The following SLC39A12 variants were observed in gnomAD, a reference collection of about 807,000 sequenced individuals.
The protein encoded by SLC39A12 is zinc transporter ZIP12.
SLC39A12 carries 63 observed loss-of-function variants against 71.1 expected under a neutral mutation model. That is an observed-to-expected ratio of 0.89 (90% CI 0.72 to 1.09). The LOEUF (loss-of-function observed/expected upper bound fraction) is 1.09. Among genes scored for constraint, SLC39A12 ranks in the 50% least tolerant of loss-of-function variants. The pLI, the probability that SLC39A12 is intolerant of heterozygous loss-of-function variation, is 0.00. For missense variants in SLC39A12, 892 were observed against 812.6 expected (o/e 1.10, Z -1.19); for synonymous variants, 351 against 301.3 (o/e 1.16, Z -1.71).
intron 12 of SLC39A12, among the ~76,000 whole-genome samples, chr10:18,041,663 GTGTATATATATGTATATACATA>G (rs1837239033): frequency 2.3e-5 from 2 of 88,302 alleles, no homozygotes; most frequent in Admixed American, 2.2e-4. Context: ...ATGTATATAT[GTGTATATATATGTATATACATA>G]TGTATATATG....
At position 17,961,860 on chromosome 10, in the gene SLC39A12, C is replaced by G; in HGVS notation, c.541C>G (p.Gln181Glu). 6.2e-7 allele frequency: 1 copy of G among 1,610,336 alleles called. No individual in the cohort carries two copies. The highest frequency in any genetic ancestry group is 8.5e-7 in the Non-Finnish European group (1 of 1,178,522). Residue 181 changes from glutamine (Q) to glutamate (E), a missense_variant and splice_region_variant, in exon 3 of 13, where the codon CAG becomes GAG. Physicochemically the swap from Gln to Glu is conservative, Grantham distance 29. Coordinates refer to ENST00000377369, the MANE Select transcript of SLC39A12 (RefSeq NM_001145195.2). ...GCAGTACTTTGACACTTCTCAAAGC[C>G]AGGTAAGAAGGCAAAATTGCTAACT... Reference protein sequence around the residue: ...TRQYFDTSQSQCMETKTLQKK... With the variant: ...TRQYFDTSQSECMETKTLQKK...
chr10:18,033,022 CT>C (rs1329357620), intron 12 of SLC39A12, among the ~76,000 whole-genome samples: 8 of 151,576 alleles, frequency 5.3e-5, no homozygotes, highest in African/African-American at 1.9e-4. Flanking sequence ...GGTGGATAAG[CT>C]TTTGGATGTG....
chr10:17,994,293 T>A (rs1166907170), intron 9 of SLC39A12, among the ~76,000 whole-genome samples: 2 of 152,302 alleles, frequency 1.3e-5, no homozygotes, highest in Admixed American at 1.3e-4. Context: ...TCCAGCTCAC[T>A]AATATACGCA....
In SLC39A12 at chr10:17,968,462, T is replaced by G. The variant is rs145670347; in HGVS notation, c.751+2772T>G. 3.0e-3 allele frequency among the ~76,000 whole-genome samples: 457 copies of G among 152,320 alleles called. 5 individuals are homozygous for G. The highest frequency in any genetic ancestry group is 0.01 in the African/African-American group (430 of 41,576). ...AAGTGAGCTTAATCAAAATGGGAACTTTACCCAAGTGGTAAATTTGGTCAT... is the reference window on the plus strand; with the variant it reads ...AAGTGAGCTTAATCAAAATGGGAACGTTACCCAAGTGGTAAATTTGGTCAT... On this transcript the variant is annotated intron_variant, in intron 4 of 12. Transcript: ENST00000377369.
At chr10:17,965,162 G>C (rs973100347) in intron 3 of SLC39A12, among the ~76,000 whole-genome samples, 2 of 151,860 alleles carry the variant, frequency 1.3e-5, no homozygotes, top group Non-Finnish European at 2.9e-5. Flanking sequence ...AGTCAAAATC[G>C]TGCCACTTTA....
At chr10:18,015,663 CAG>C (rs1171331106) in intron 12 of SLC39A12, among the ~76,000 whole-genome samples, 5 of 151,730 alleles carry the variant, frequency 3.3e-5, no homozygotes, top group Non-Finnish European at 7.4e-5. Flanking sequence ...TTTAGAGTGA[CAG>C]AACTATGTGG....
intron 12 of SLC39A12, among the ~76,000 whole-genome samples, chr10:18,040,737 C>T (rs1589264120): frequency 6.7e-6 from 1 of 150,302 alleles, no homozygotes; most frequent in East Asian, 1.9e-4. Flanking sequence ...CCACTGTACT[C>T]CAGCCTAGGC....
At chr10:17,959,475 C>A (rs1409976649) in intron 2 of SLC39A12, among the ~76,000 whole-genome samples, 4 of 152,134 alleles carry the variant, frequency 2.6e-5, no homozygotes. Context: ...AGATGTTACA[C>A]AGTGGGTTGT....
chr10:17,978,149 T>C (rs1438885650), intron 5 of SLC39A12, 75 bp downstream of exon 5: 5 of 1,283,694 alleles, frequency 3.9e-6, no homozygotes, highest in Non-Finnish European at 5.3e-6. Flanking sequence ...TTTATTAGAG[T>C]TGTAGAAAAC....
intron 5 of SLC39A12, among the ~76,000 whole-genome samples, chr10:17,980,516 A>G (rs1352868045): frequency 6.6e-6 from 1 of 152,152 alleles, no homozygotes; most frequent in African/African-American, 2.4e-5. Context: ...CACCTACTAA[A>G]ACTTTTAAAT....
intron 2 of SLC39A12, among the ~76,000 whole-genome samples, chr10:17,956,815 G>T (rs1425906350): frequency 1.3e-5 from 2 of 152,150 alleles, no homozygotes; most frequent in Non-Finnish European, 2.9e-5. Context: ...ACCCAGCTTT[G>T]TCTTATTATC....
At chr10:18,011,084 C>T (rs1372155741) in intron 12 of SLC39A12, among the ~76,000 whole-genome samples, 2 of 151,574 alleles carry the variant, frequency 1.3e-5, no homozygotes, top group Non-Finnish European at 2.9e-5. Context: ...TCCTCCCTTC[C>T]TTCCTTCCTT....
chr10:17,962,640 A>G (rs907540879), intron 3 of SLC39A12, among the ~76,000 whole-genome samples: 38 of 152,020 alleles, frequency 2.5e-4, no homozygotes, highest in African/African-American at 8.0e-4. Context: ...ATTCATAAAC[A>G]TGTATAGACA....
chr10:17,966,660 A>G (rs1275921640), intron 4 of SLC39A12, among the ~76,000 whole-genome samples: 1 of 151,950 alleles, frequency 6.6e-6, no homozygotes, highest in East Asian at 1.9e-4. Flanking sequence ...AAAATTGATA[A>G]CGATTCCTTA....
chr10:17,967,412 C>T (rs1834853809), intron 4 of SLC39A12, among the ~76,000 whole-genome samples: 1 of 152,156 alleles, frequency 6.6e-6, no homozygotes, highest in East Asian at 1.9e-4. Context: ...TCTTCTAACA[C>T]TCATTTCTTC....
chr10:17,964,437 C>T (rs1011032952), intron 3 of SLC39A12, among the ~76,000 whole-genome samples: 1 of 152,152 alleles, frequency 6.6e-6, no homozygotes, highest in African/African-American at 2.4e-5. Flanking sequence ...AACCTTGACA[C>T]GATAACCTTC....
At chr10:18,023,647 G>C (rs959475871) in intron 12 of SLC39A12, among the ~76,000 whole-genome samples, 3 of 152,176 alleles carry the variant, frequency 2.0e-5, no homozygotes, top group African/African-American at 7.2e-5. Flanking sequence ...GAGAGACTGG[G>C]CTCCTCTCCT....
At chr10:17,970,682 G>C (rs796747880) in intron 4 of SLC39A12, among the ~76,000 whole-genome samples, 6 of 96,960 alleles carry the variant, frequency 6.2e-5, no homozygotes, top group African/African-American at 2.9e-4. Flanking sequence ...GTTTGTGTGT[G>C]TGTGTGTGTG....
At chr10:17,976,636 G>C (rs1835117010) in intron 4 of SLC39A12, among the ~76,000 whole-genome samples, 1 of 152,058 alleles carries the variant, frequency 6.6e-6, no homozygotes, top group African/African-American at 2.4e-5. Flanking sequence ...TGTTGGCCAG[G>C]CTGGTCTTGA....
Sources: gnomAD v4.1 joint callset for allele counts (sites outside exome capture counted in the v4.1 genomes callset) on GRCh38, gnomAD v4.1.1 for gene constraint, MANE v1.5 for transcripts, NCBI Gene and HGNC (gene_info 2026-07-23, HGNC 2026-07-21) for gene names.